Variants in ZSWIM5 observed in about 807,000 individuals in gnomAD.
ZSWIM5 encodes zinc finger SWIM-type containing 5, also known as zinc finger SWIM domain-containing protein 5.
A neutral mutation model predicts 119.6 loss-of-function variants in ZSWIM5; 55 were observed. The observed-to-expected ratio is 0.46, with a 90% CI of 0.37 to 0.58. ZSWIM5 has a LOEUF of 0.58. Ranked by LOEUF, ZSWIM5 falls within the 20% of genes least tolerant of loss-of-function variation. The pLI is 0.00. For missense variants in ZSWIM5, 1,193 were observed against 1,512.8 expected, an observed-to-expected ratio of 0.79 and a Z score of 3.51; for synonymous variants, 537 against 606.9, an observed-to-expected ratio of 0.88 and a Z score of 1.69.
At chr1:45,157,829 G>T (rs1309349545) in intron 1 of ZSWIM5, among the ~76,000 whole-genome samples, 2 of 152,202 alleles carry the variant, frequency 1.3e-5, no homozygotes, top group South Asian at 4.1e-4. Context: ...TCTATGTCTT[G>T]ATGGACATTG....
At chr1:45,195,239 GT>G (rs1431655769) in intron 1 of ZSWIM5, among the ~76,000 whole-genome samples, 4 of 151,894 alleles carry the variant, frequency 2.6e-5, no homozygotes, top group African/African-American at 4.8e-5. Context: ...TAAAGTTTTT[GT>G]TTTTTTGTTT....
At chr1:45,028,160 A>G (rs549934305) in intron 11 of ZSWIM5, among the ~76,000 whole-genome samples, 1 of 152,142 alleles carries the variant, frequency 6.6e-6, no homozygotes, top group Admixed American at 6.5e-5. Flanking sequence ...TGCTCTTTTC[A>G]CTTTCTTGAT....
rs567429272 is a variant in ZSWIM5 at position 45,169,856 on chromosome 1, T to TA, written c.595+35899dup. The stretch of plus-strand genomic sequence containing the variant: ...ACATCACTTAATACACAGCATGCAC[T>TA]AAAAAAAGTATTAAAACCTATATTA... On this transcript the variant is annotated intron_variant, in intron 1 of 13. Coordinates refer to ENST00000359600, the MANE Select transcript of ZSWIM5 (RefSeq NM_020883.2). 4.3e-4 allele frequency among the ~76,000 whole-genome samples: 65 copies of TA among 152,100 alleles called. 1 individual carries two copies. The highest frequency in any genetic ancestry group is 2.0e-4 in the Admixed American group (3 of 15,242).
intron 1 of ZSWIM5, among the ~76,000 whole-genome samples, chr1:45,095,855 C>T (rs1645398011): frequency 6.6e-6 from 1 of 152,026 alleles, no homozygotes; most frequent in South Asian, 2.1e-4. Flanking sequence ...GACTGTCTTT[C>T]TTTGATTCTT....
intron 1 of ZSWIM5, among the ~76,000 whole-genome samples, chr1:45,156,059 A>G (rs1169346323): frequency 6.6e-6 from 1 of 152,136 alleles, no homozygotes; most frequent in Non-Finnish European, 1.5e-5. Flanking sequence ...AAAGAAGGAA[A>G]AAAAATTAAA....
intron 5 of ZSWIM5, among the ~76,000 whole-genome samples, chr1:45,044,768 TATATATAA>T (rs1557746442): frequency 0.19 from 543 of 2,878 alleles, 164 homozygotes; most frequent in East Asian, 0.51. Flanking sequence ...TATATATATA[TATATATAA>T]ATATATATAT....
At chr1:45,152,076 TAA>T (rs1377595644) in intron 1 of ZSWIM5, among the ~76,000 whole-genome samples, 1 of 152,100 alleles carries the variant, frequency 6.6e-6, no homozygotes. Context: ...GGGAGGTAGG[TAA>T]GGGCTATATT....
chr1:45,206,393 G>A lies in ZSWIM5; in HGVS notation c.-43C>T, dbSNP rs1405189864. 3 of 1,350,024 alleles carry A rather than the reference G, an allele frequency of 2.2e-6. No individual in the cohort carries two copies. The African/African-American group carries it at 4.6e-5, about 21-fold the overall frequency. The allele number at this position is 1,350,024 out of a possible 1,614,324, so 83.6% of individuals were successfully genotyped here. On this transcript the variant is annotated 5_prime_UTR_variant, in exon 1 of 14. Transcript: ENST00000359600. ...CTGACTGAGGCGGCGGCGGCTGCTC[G>A]GGCTGCGGCGGAGACCCTGGCCACG...
chr1:45,114,392 C>A (rs1418465323), intron 1 of ZSWIM5, among the ~76,000 whole-genome samples: 1 of 151,966 alleles, frequency 6.6e-6, no homozygotes, highest in Non-Finnish European at 1.5e-5. Flanking sequence ...AGATGAAGGA[C>A]ATTTTATAAT....
chr1:45,037,163 A>T (rs1465930245), intron 8 of ZSWIM5, among the ~76,000 whole-genome samples: 1 of 133,544 alleles, frequency 7.5e-6, no homozygotes, highest in Non-Finnish European at 1.5e-5. Flanking sequence ...CAGGCTGGAG[A>T]GCAGTGGCAC....
rs953589399 is a variant in ZSWIM5 at position 45,106,826 on chromosome 1, T to C, written c.596-18589A>G. On this transcript the variant is annotated intron_variant, in intron 1 of 13. Transcript: ENST00000359600. ...AGATCAGATTGTTACTGTGTCTGTG[T>C]AGAAAGAAGTAGACATAGGAGACTC... Among the ~76,000 whole-genome samples, 18 of 152,330 alleles carry C rather than the reference T, an allele frequency of 1.2e-4. No homozygotes were observed. The South Asian group carries it at 1.5e-3, about 12-fold the overall frequency.
At chr1:45,069,682 G>C (rs1022819176) in intron 2 of ZSWIM5, among the ~76,000 whole-genome samples, 1 of 151,850 alleles carries the variant, frequency 6.6e-6, no homozygotes, top group South Asian at 2.1e-4. Flanking sequence ...TATAGTTGTA[G>C]ATATAGAGTA....
chr1:45,148,496 A>G (rs1302292791), intron 1 of ZSWIM5, among the ~76,000 whole-genome samples: 2 of 147,230 alleles, frequency 1.4e-5, no homozygotes, highest in Non-Finnish European at 3.0e-5. Context: ...GTTTCATTGA[A>G]AAAAAAAAAA....
chr1:45,036,153 C>A lies in ZSWIM5; in HGVS notation c.2041G>T (p.Ala681Ser), dbSNP rs200925379. ...TCATTACGGCATACCTTGTCCTGTG[C>A]GTAGAGGCCTTCAGGCATTAACCTC... ...QQRLMPEGLYAQDKVCRNEEQ... is the reference protein window; with the variant it reads ...QQRLMPEGLYSQDKVCRNEEQ... The change falls in exon 9 of 14, where the codon GCA becomes TCA. Residue 681 changes from alanine (A) to serine (S), a missense_variant. Transcript: ENST00000359600. 2.5e-6 allele frequency: 4 copies of A among 1,614,072 alleles called. No individual in the cohort carries two copies. Among genetic ancestry groups the A allele is most frequent in the Non-Finnish European group, 3.4e-6 (4 of 1,180,020 alleles).
chr1:45,149,235 G>A (rs1645781109), intron 1 of ZSWIM5, among the ~76,000 whole-genome samples: 1 of 152,166 alleles, frequency 6.6e-6, no homozygotes, highest in African/African-American at 2.4e-5. Context: ...CATCACGCTA[G>A]CCTGGTCAAC....
rs576285525 is a variant in ZSWIM5, at chr1:45,166,612, C to T, written c.595+39144G>A. 8.5e-5 allele frequency among the ~76,000 whole-genome samples: 13 copies of T among 152,252 alleles called. 1 individual carries two copies. In the South Asian group the frequency reaches 2.5e-3, roughly 29 times the overall value. On this transcript the variant is annotated intron_variant, in intron 1 of 13. Coordinates refer to ENST00000359600, the MANE Select transcript of ZSWIM5 (RefSeq NM_020883.2). ...AAAATCTCCTTAAGCTGATACGCAA[C>T]TTCAGCAAAGTGTCAGGAAACAAAA... is the stretch of plus-strand genomic sequence containing the variant.
At position 45,119,901 on chromosome 1, in the gene ZSWIM5, A is replaced by T. The variant is rs573943862; in HGVS notation, c.596-31664T>A. 2.6e-5 allele frequency among the ~76,000 whole-genome samples: 4 copies of T among 152,346 alleles called. No individual in the cohort carries two copies. In the South Asian group the frequency reaches 8.3e-4, roughly 32 times the overall value. On this transcript the variant is annotated intron_variant, in intron 1 of 13. Transcript: ENST00000359600. ...TTCCCATTGTTCTACCGACAAAATT[A>T]TCTTTATCACATCCACTCTCTTTTA...
intron 11 of ZSWIM5, among the ~76,000 whole-genome samples, chr1:45,029,707 G>T (rs552182131): frequency 6.6e-6 from 1 of 152,202 alleles, no homozygotes; most frequent in South Asian, 2.1e-4. Flanking sequence ...TTATCCTTTT[G>T]TGTCTAGCTT....
chr1:45,180,327 T>G (rs941191401), intron 1 of ZSWIM5, among the ~76,000 whole-genome samples: 1 of 152,178 alleles, frequency 6.6e-6, no homozygotes, highest in Non-Finnish European at 1.5e-5. Flanking sequence ...TCTCACTGAT[T>G]GCTAGCACAG....
Sources: gnomAD v4.1 joint callset for allele counts (sites outside exome capture counted in the v4.1 genomes callset) on GRCh38, gnomAD v4.1.1 for gene constraint, MANE v1.5 for transcripts, NCBI Gene and HGNC (gene_info 2026-07-23, HGNC 2026-07-21) for gene names.